BTN2A2: variants seen among roughly 807,000 people sequenced by gnomAD.
BTN2A2 encodes the protein butyrophilin 2.
Under a neutral mutation model 34.7 loss-of-function variants are expected in BTN2A2, and 29 were observed. That is an observed-to-expected ratio of 0.84 (90% CI 0.62 to 1.14). The LOEUF is 1.14. BTN2A2 is among the 50% of genes most tolerant of loss of function. BTN2A2 has a pLI of 0.00. For missense variants in BTN2A2, 612 were observed against 651.5 expected (o/e 0.94, Z 0.66); for synonymous variants, 240 against 253.1 (o/e 0.95, Z 0.49).
chr6:26,391,561 AATCAGACAT>A (rs1310759286), intron 7 of BTN2A2: 2 of 153,782 alleles, frequency 1.3e-5, no homozygotes, highest in African/African-American at 4.8e-5. Context: ...AACTTGTCAC[AATCAGACAT>A]ATCAACTTGT....
Position 26,392,792 on chromosome 6 carries a change from C to G in BTN2A2, c.1397C>G (p.Ser466Trp), listed in dbSNP as rs767620695. 1.2e-6 allele frequency: 2 copies of G among 1,614,072 alleles called. No homozygotes were observed. The highest frequency in any genetic ancestry group is 1.7e-6 in the Non-Finnish European group (2 of 1,179,968). Reference sequence around the variant, plus strand: ...TCCTTCTACAACATGAGGGACAGATCGCACATCTACACATGTCCCCGTTCA... The same window carrying G: ...TCCTTCTACAACATGAGGGACAGATGGCACATCTACACATGTCCCCGTTCA... ...DVSFYNMRDR[S>W]HIYTCPRSAF... Residue 466 changes from serine to tryptophan, a missense_variant, in exon 8 of 8, where the codon TCG becomes TGG. Physicochemically the swap from Ser to Trp is radical, Grantham distance 177. Coordinates refer to ENST00000356709, the MANE Select transcript of BTN2A2 (RefSeq NM_006995.5).
chr6:26,387,836 G>A (rs1306114426), intron 3 of BTN2A2, among the ~76,000 whole-genome samples, 177 bp from the exon 4 acceptor site: 1 of 152,192 alleles, frequency 6.6e-6, no homozygotes, highest in Non-Finnish European at 1.5e-5. Context: ...CCTTCAGGTG[G>A]AGCATAAAGA....
rs1237595202 is a variant in BTN2A2, at chr6:26,383,785, AC to A, written c.-30-4del. 6.3e-7 allele frequency: 1 copy of A among 1,597,554 alleles called. No homozygotes were observed. Among genetic ancestry groups the A allele is most frequent in the South Asian group, 1.1e-5 (1 of 90,692 alleles). On this transcript the variant is annotated splice_region_variant and splice_polypyrimidine_tract_variant and intron_variant, in intron 1 of 7. Transcript: ENST00000356709. This position sits in a 1 kb window ranked among gnomAD's most constrained non-coding sequence, Gnocchi z 4.4. ...CCTAGGCTGATTCTCCTCCTCTGTA[AC>A]CCTAGGCCTCTGGTCTCTGCCTGCC...
intron 5 of BTN2A2, 39 bp from the exon 6 acceptor site, chr6:26,390,648 T>C (rs373635865): frequency 5.1e-5 from 83 of 1,613,818 alleles, no homozygotes; most frequent in Non-Finnish European, 2.1e-5. Context: ...TTAGTTCTTC[T>C]GTTGAAGACA....
chr6:26,389,811 C>T (rs7757048), intron 4 of BTN2A2, among the ~76,000 whole-genome samples, 194 bp from the exon 5 acceptor site: 1 of 152,116 alleles, frequency 6.6e-6, no homozygotes, highest in East Asian at 1.9e-4. Context: ...TGCTTTGCCC[C>T]CTTCTGGGCC....
rs1370578792 is a variant in BTN2A2 at position 26,393,892 on chromosome 6, A to G, written c.*925A>G. The G allele has an allele frequency of 2.9e-5, 12 of 412,174 alleles. No homozygotes were observed. The highest frequency in any genetic ancestry group is 3.6e-5 in the Non-Finnish European group (11 of 304,128). The allele number at this position is 412,174 out of a possible 1,614,324, so 25.5% of individuals were successfully genotyped here. A position where few individuals can be genotyped will look rare whatever the true frequency, so the allele number is the denominator to read the frequency against. On this transcript the variant is annotated 3_prime_UTR_variant, in exon 8 of 8. Transcript: ENST00000356709. The stretch of plus-strand genomic sequence containing the variant: ...AATTTAAAATGTTATCTTTTAATTT[A>G]TGTTAAAATAGCATTAATAAATCAG...
rs1190805915 is a variant in BTN2A2 at position 26,393,192 on chromosome 6, C to T, written c.*225C>T. On this transcript the variant is annotated 3_prime_UTR_variant, in exon 8 of 8. Coordinates refer to ENST00000356709, the MANE Select transcript of BTN2A2 (RefSeq NM_006995.5). ...TTGCTTGTAATTATGGGATGGGATC[C>T]AGGCATAGGGAACTAGTTGTTTCAT... 6.4e-7 allele frequency: 1 copy of T among 1,551,952 alleles called. No individual in the cohort carries two copies. The highest frequency in any genetic ancestry group is 2.3e-5 in the East Asian group (1 of 44,090).
In BTN2A2 at chr6:26,392,718, G is replaced by A; in HGVS notation, c.1323G>A (p.Glu441=). The change falls in exon 8 of 8, where the codon GAG becomes GAA. Residue 441 remains glutamate (E), a synonymous_variant. Transcript: ENST00000356709. ...SSPERILPLK[E]SLCRVGVFLD... ...CTGAGAGGATTCTCCCTTTGAAGGA[G>A]TCCCTTTGCCGGGTGGGCGTCTTCC... 2 of 1,614,250 alleles carry A rather than the reference G, an allele frequency of 1.2e-6. No individual in the cohort carries two copies. The highest frequency in any genetic ancestry group is 2.2e-5 in the East Asian group (1 of 44,880).
Position 26,394,411 on chromosome 6 carries a change from T to G in BTN2A2, c.*1444T>G. Reference sequence around the variant, plus strand: ...TGGCAAGTGAGTCAGTGGGAAATTCTCTCCTTCTGTTGGCTGGGTGCCCAA... The same window carrying G: ...TGGCAAGTGAGTCAGTGGGAAATTCGCTCCTTCTGTTGGCTGGGTGCCCAA... On this transcript the variant is annotated 3_prime_UTR_variant, in exon 8 of 8. Coordinates refer to ENST00000356709, the MANE Select transcript of BTN2A2 (RefSeq NM_006995.5). 1 of 674,438 alleles carries G rather than the reference T, an allele frequency of 1.5e-6. No individual in the cohort carries two copies. Among genetic ancestry groups the G allele is most frequent in the Middle Eastern group, 3.8e-4 (1 of 2,652 alleles). 41.8% of individuals were successfully genotyped at this position (674,438 alleles called of 1,614,324 possible). A position where few individuals can be genotyped will look rare whatever the true frequency, so the allele number is the denominator to read the frequency against.
At chr6:26,388,376 C>A in intron 4 of BTN2A2, 82 bp downstream of exon 4, 1 of 1,523,064 alleles carries the variant, frequency 6.6e-7, no homozygotes, top group Non-Finnish European at 9.0e-7. Context: ...GGAATGGGGG[C>A]AGCAGTGTGG....
intron 4 of BTN2A2, among the ~76,000 whole-genome samples, chr6:26,389,192 A>G (rs1761413770): frequency 6.6e-6 from 1 of 152,258 alleles, no homozygotes; most frequent in Non-Finnish European, 1.5e-5. Context: ...GATTAAATAA[A>G]TAATAATCTA....
chr6:26,383,531 G>T lies in BTN2A2; in HGVS notation c.-30-261G>T. On this transcript the variant is annotated intron_variant, in intron 1 of 7. Coordinates refer to ENST00000356709, the MANE Select transcript of BTN2A2 (RefSeq NM_006995.5). This position sits in a 1 kb window ranked among gnomAD's most constrained non-coding sequence, Gnocchi z 4.4. ...AGGGACGAGGGTGTGAAAGAATCCA[G>T]GGACAACTGAAGAAACCGGACTGTG... 1 of 401,418 alleles carries T rather than the reference G, an allele frequency of 2.5e-6. No homozygotes were observed. Among genetic ancestry groups the T allele is most frequent in the Non-Finnish European group, 4.5e-6 (1 of 220,394 alleles). 24.9% of individuals were successfully genotyped at this position (401,418 alleles called of 1,614,324 possible). A position where few individuals can be genotyped will look rare whatever the true frequency, so the allele number is the denominator to read the frequency against.
At chr6:26,388,936 A>G (rs1180769773) in intron 4 of BTN2A2, among the ~76,000 whole-genome samples, 2 of 152,172 alleles carry the variant, frequency 1.3e-5, no homozygotes, top group Non-Finnish European at 2.9e-5. Context: ...CCTGGCCAAG[A>G]TGGTGAAACA....
chr6:26,387,801 A>G (rs553686600), intron 3 of BTN2A2, among the ~76,000 whole-genome samples: 2 of 152,322 alleles, frequency 1.3e-5, no homozygotes, highest in East Asian at 1.9e-4. Flanking sequence ...TAGCAGACAG[A>G]TAGATGCTTG....
chr6:26,383,577 A>AAGG lies in BTN2A2; in HGVS notation c.-30-210_-30-208dup, dbSNP rs1760994294. 2.0e-6 allele frequency: 1 copy of AAGG among 488,118 alleles called. No individual in the cohort carries two copies. The highest frequency in any genetic ancestry group is 3.6e-6 in the Non-Finnish European group (1 of 274,116). The allele number at this position is 488,118 out of a possible 1,614,324, so 30.2% of individuals were successfully genotyped here. ...CTGTGGCCCGAGAAGTGGGAAGAGG[A>AAGG]AGGAGGAAAACGGCCCCCTTGATCT... On this transcript the variant is annotated intron_variant, in intron 1 of 7. Coordinates refer to ENST00000356709, the MANE Select transcript of BTN2A2 (RefSeq NM_006995.5). The surrounding 1 kb of genome is among the most constrained non-coding windows in gnomAD (Gnocchi z 4.4).
At chr6:26,389,226 G>A (rs902165437) in intron 4 of BTN2A2, among the ~76,000 whole-genome samples, 22 of 152,204 alleles carry the variant, frequency 1.4e-4, no homozygotes, top group Non-Finnish European at 3.1e-4. Context: ...ATGGTGACGA[G>A]CATGTAGGAA....
In BTN2A2 at chr6:26,387,043, C is replaced by T. The variant is rs549950702; in HGVS notation, c.443-970C>T. ...ATGATCACGCATGGCTGAAGGGTCT[C>T]CCAGGACCATGCTTTTGCAGCTCTC... On this transcript the variant is annotated intron_variant, in intron 3 of 7. Coordinates refer to ENST00000356709, the MANE Select transcript of BTN2A2 (RefSeq NM_006995.5). Among the ~76,000 whole-genome samples, 112 of 152,300 alleles carry T rather than the reference C, an allele frequency of 7.4e-4. 2 individuals carry two copies. The highest frequency in any genetic ancestry group is 1.6e-3 in the Admixed American group (25 of 15,294).
intron 3 of BTN2A2, 42 bp from the exon 4 acceptor site, chr6:26,387,971 G>C (rs1052478631): frequency 6.3e-7 from 1 of 1,577,064 alleles, no homozygotes; most frequent in African/African-American, 1.4e-5. Flanking sequence ...TAGGGGCTAA[G>C]ATACCACTGC....
chr6:26,390,942 A>T lies in BTN2A2; in HGVS notation c.979+113A>T, dbSNP rs1761541184. 5.9e-6 allele frequency: 9 copies of T among 1,531,338 alleles called. No homozygotes were observed. In the East Asian group the frequency reaches 2.0e-4, roughly 34 times the overall value. The allele number at this position is 1,531,338 out of a possible 1,614,324, so 94.9% of individuals were successfully genotyped here. On this transcript the variant is annotated intron_variant, in intron 7 of 7. Transcript: ENST00000356709. The stretch of plus-strand genomic sequence containing the variant: ...CAGGGCTACACAGGGACCATAGGGA[A>T]CTGGGGTCAGTTCATCAACGGTGTC...
Sources: gnomAD v4.1 joint callset for allele counts (sites outside exome capture counted in the v4.1 genomes callset) on GRCh38, gnomAD v4.1.1 for gene constraint, Gnocchi (gnomAD v3.1) non-coding constraint, MANE v1.5 for transcripts, NCBI Gene and HGNC (gene_info 2026-07-23, HGNC 2026-07-21) for gene names.